Variants in RSRP1 observed in about 807,000 individuals in gnomAD.
RSRP1 encodes the protein arginine/serine-rich protein 1.
In RSRP1, 37 loss-of-function variants were observed where a neutral mutation model predicts 33.0. The ratio of observed to expected loss-of-function variants is 1.12; its 90% CI spans 0.86 to 1.48. The LOEUF (loss-of-function observed/expected upper bound fraction) is 1.48, where lower values mean the gene tolerates loss of function less well. RSRP1 is among the 40% of genes most tolerant of loss of function. The pLI, the probability that RSRP1 is intolerant of heterozygous loss-of-function variation, is 0.00. For missense variants in RSRP1, 402 were observed against 385.3 expected (o/e 1.04, Z -0.36); for synonymous variants, 167 against 158.7 (o/e 1.05, Z -0.40).
rs1240193858 is a variant in RSRP1 at position 25,296,371 on chromosome 1, C to T, written c.-67+41607G>A. ...AAGCAATTCTTGTGCCTCACCCTCC[C>T]GAGTAGCTGGGATTAGGGGCATGCC... On this transcript the variant is annotated intron_variant, in intron 1 of 1. Coordinates refer to the RSRP1 transcript ENST00000561867. 2.4e-5 allele frequency among the ~76,000 whole-genome samples: 3 copies of T among 123,422 alleles called. 1 individual carries two copies. The highest frequency in any genetic ancestry group is 2.5e-4 in the South Asian group (1 of 3,976). 81.0% of individuals were successfully genotyped at this position (123,422 alleles called of 152,430 possible).
intron 1 of RSRP1, among the ~76,000 whole-genome samples, chr1:25,274,947 C>T (rs1479359810): frequency 4.6e-5 from 6 of 130,698 alleles, no homozygotes; most frequent in Admixed American, 4.5e-4. Flanking sequence ...GACTTCATCT[C>T]AAAAAACCAA....
intron 1 of RSRP1, among the ~76,000 whole-genome samples, chr1:25,332,490 G>A (rs1425175914): frequency 7.6e-6 from 1 of 130,960 alleles, no homozygotes; most frequent in East Asian, 2.0e-4. Flanking sequence ...TAAGTAATCC[G>A]TAGTCTGACT....
chr1:25,263,460 G>C (rs969185534), intron 1 of RSRP1, among the ~76,000 whole-genome samples: 2 of 151,896 alleles, frequency 1.3e-5, no homozygotes, highest in African/African-American at 4.9e-5. Context: ...GTGGATGGCA[G>C]GCAAAGACAA....
chr1:25,296,764 A>C (rs599792), intron 1 of RSRP1, among the ~76,000 whole-genome samples: 62,408 of 116,200 alleles, frequency 0.54, 24,688 homozygotes, highest in South Asian at 0.84. Context: ...CTCTCACCTG[A>C]CACCACGTAA....
rs1234136771 is a variant in RSRP1 at position 25,308,553 on chromosome 1, C to T, written c.-67+29425G>A. On this transcript the variant is annotated intron_variant, in intron 1 of 1. Coordinates refer to the RSRP1 transcript ENST00000561867. ...ATAAAGCCTTGATTGGTAGCACTTGCAATTTCTATGGTACAAACGCTTCCC... is the reference window on the plus strand; with the variant it reads ...ATAAAGCCTTGATTGGTAGCACTTGTAATTTCTATGGTACAAACGCTTCCC... Among the ~76,000 whole-genome samples the T allele has an allele frequency of 3.0e-5, 4 of 132,004 alleles. 2 individuals are homozygous for T. The highest frequency in any genetic ancestry group is 7.1e-5 in the Non-Finnish European group (4 of 55,980). The allele number at this position is 132,004 out of a possible 152,430, so 86.6% of individuals were successfully genotyped here.
At chr1:25,249,232 C>T (rs774652130), upstream of RSRP1, among the ~76,000 whole-genome samples, 2 of 151,206 alleles carry the variant, frequency 1.3e-5, no homozygotes, top group East Asian at 1.9e-4. Context: ...AGTATACTTA[C>T]GATACAGTTT....
At chr1:25,257,365 G>C (rs1413916718) in intron 1 of RSRP1, among the ~76,000 whole-genome samples, 1 of 152,166 alleles carries the variant, frequency 6.6e-6, no homozygotes, top group Non-Finnish European at 1.5e-5. Context: ...ATTCCAGACA[G>C]TGTATTTCAT....
intron 1 of RSRP1, among the ~76,000 whole-genome samples, chr1:25,263,500 A>G (rs1640223847): frequency 6.6e-6 from 1 of 151,938 alleles, no homozygotes; most frequent in Admixed American, 6.6e-5. Context: ...ACTCCCCCTT[A>G]TAGAGCCATC....
chr1:25,256,773 G>A (rs992417547), intron 1 of RSRP1, among the ~76,000 whole-genome samples: 7 of 151,888 alleles, frequency 4.6e-5, no homozygotes, highest in Non-Finnish European at 8.8e-5. Flanking sequence ...CTGCCCCATC[G>A]AGATCTCACA....
chr1:25,314,067 G>A (rs1402621113), intron 1 of RSRP1, among the ~76,000 whole-genome samples: 3 of 132,208 alleles, frequency 2.3e-5, no homozygotes, highest in African/African-American at 7.7e-5. Flanking sequence ...TTTTATTTTT[G>A]GAGCACACGA....
At chr1:25,247,112 G>C in intron 1 of RSRP1, 83 bp from the exon 2 acceptor site, 2 of 861,146 alleles carry the variant, frequency 2.3e-6, no homozygotes, top group South Asian at 5.6e-5. Flanking sequence ...GGGAACCTCC[G>C]GGAGGCGGAG....
At chr1:25,250,489 T>A (rs1020485928), upstream of RSRP1, among the ~76,000 whole-genome samples, 1 of 152,258 alleles carries the variant, frequency 6.6e-6, no homozygotes, top group Non-Finnish European at 1.5e-5. Flanking sequence ...TTTTTGTTTA[T>A]GTCCTTCATT....
intron 1 of RSRP1, among the ~76,000 whole-genome samples, chr1:25,278,512 G>C (rs2124600741): frequency 7.6e-6 from 1 of 131,954 alleles, no homozygotes; most frequent in East Asian, 2.0e-4. Context: ...TTCACCCAGG[G>C]TCATTCATGC....
intron 1 of RSRP1, among the ~76,000 whole-genome samples, chr1:25,312,977 T>C (rs111628266): frequency 0.025 from 2,524 of 101,954 alleles, 308 homozygotes; most frequent in African/African-American, 0.073. Context: ...TTGGAATGAA[T>C]TTTGCATGTA....
In RSRP1 at chr1:25,286,925, T is replaced by C. The variant is rs554223840; in HGVS notation, c.-66-39896A>G. Among the ~76,000 whole-genome samples the C allele has an allele frequency of 3.0e-5, 4 of 133,712 alleles. No homozygotes were observed. The South Asian group carries it at 8.9e-4, about 30-fold the overall frequency. 87.7% of individuals were successfully genotyped at this position (133,712 alleles called of 152,430 possible). On this transcript the variant is annotated intron_variant, in intron 1 of 1. Transcript: ENST00000561867. ...CTGAGCAACATGGTGAAATCCTGTC[T>C]CTACTAAAAACACAAAAATTAGCTG...
chr1:25,279,143 C>T lies in RSRP1; in HGVS notation c.-66-32114G>A, dbSNP rs567514348. On this transcript the variant is annotated intron_variant, in intron 1 of 1. Transcript: ENST00000561867. ...GAAGGCCAAAGTGCTGTTATCCAAA[C>T]GAACTCTTTGCAAGTGGTCTCTTTG... Among the ~76,000 whole-genome samples the T allele has an allele frequency of 2.3e-4, 29 of 125,898 alleles. 6 individuals are homozygous for T. The highest frequency in any genetic ancestry group is 2.7e-4 in the African/African-American group (10 of 36,458). The allele number at this position is 125,898 out of a possible 152,430, so 82.6% of individuals were successfully genotyped here. A position where few individuals can be genotyped will look rare whatever the true frequency, so the allele number is the denominator to read the frequency against.
intron 1 of RSRP1, among the ~76,000 whole-genome samples, chr1:25,314,996 A>G (rs1347227044): frequency 7.7e-6 from 1 of 129,682 alleles, no homozygotes; most frequent in African/African-American, 2.6e-5. Context: ...CAAGGTCAAG[A>G]GATCGAGATC....
chr1:25,262,492 C>T (rs1271365408), intron 1 of RSRP1, among the ~76,000 whole-genome samples: 8 of 152,104 alleles, frequency 5.3e-5, no homozygotes, highest in East Asian at 1.9e-4. Context: ...CACAGCCAAT[C>T]GGATACATAG....
chr1:25,301,122 C>A lies in RSRP1; in HGVS notation c.-67+36856G>T, dbSNP rs199501184. ...AGGACAAGGTGGGGTGAGTGGTCTC[C>A]TACTTGGGCTGAGCAGAATGGCTCA... On this transcript the variant is annotated intron_variant, in intron 1 of 1. Coordinates refer to the RSRP1 transcript ENST00000561867. The A allele has an allele frequency of 3.5e-4, 475 of 1,370,712 alleles. 78 individuals carry two copies. The South Asian group carries it at 3.8e-3, about 11-fold the overall frequency. The allele number at this position is 1,370,712 out of a possible 1,614,324, so 84.9% of individuals were successfully genotyped here.
Sources: gnomAD v4.1 joint callset for allele counts (sites outside exome capture counted in the v4.1 genomes callset) on GRCh38, gnomAD v4.1.1 for gene constraint, MANE v1.5 for transcripts, NCBI Gene and HGNC (gene_info 2026-07-23, HGNC 2026-07-21) for gene names.